Variants in ATP10A observed in about 807,000 individuals in gnomAD.
The protein encoded by ATP10A is ATPase phospholipid transporting 10A (putative), also known as phospholipid-transporting ATPase VA.
ATP10A carries 111 observed loss-of-function variants against 147.8 expected under a neutral mutation model. The ratio of observed to expected loss-of-function variants is 0.75; its 90% confidence interval spans 0.64 to 0.88. ATP10A has a LOEUF of 0.88. ATP10A is among the 40% of genes least tolerant of loss of function. The pLI, the probability that ATP10A is intolerant of heterozygous loss-of-function variation, is 0.00. For synonymous variants in ATP10A, 875 were observed against 841.6 expected (o/e 1.04, Z -0.69); for missense variants, 1,927 against 1,959.0 (o/e 0.98, Z 0.31).
chr15:25,777,137 A>G (rs1206704937), intron 2 of ATP10A, among the ~76,000 whole-genome samples: 1 of 139,174 alleles, frequency 7.2e-6, no homozygotes, highest in African/African-American at 2.6e-5. Flanking sequence ...CGCACTGCCC[A>G]CTCCCTCCAG....
intron 12 of ATP10A, among the ~76,000 whole-genome samples, chr15:25,706,412 T>C (rs1011304174): frequency 6.6e-6 from 1 of 152,132 alleles, no homozygotes; most frequent in African/African-American, 2.4e-5. Context: ...ATCCCTTCCT[T>C]TCACCCTCAC....
At chr15:25,726,831 C>T (rs1902588779) in intron 4 of ATP10A, among the ~76,000 whole-genome samples, 2 of 150,458 alleles carry the variant, frequency 1.3e-5, no homozygotes, top group South Asian at 4.2e-4. Context: ...GCGGGCGGAT[C>T]ACGAGATCAG....
intron 2 of ATP10A, among the ~76,000 whole-genome samples, chr15:25,753,747 T>C (rs1337390057): frequency 1.3e-5 from 2 of 148,684 alleles, no homozygotes; most frequent in Non-Finnish European, 3.0e-5. Context: ...ATATATGTTA[T>C]ATATATCATA....
At chr15:25,802,893 T>G (rs557092233) in intron 1 of ATP10A, among the ~76,000 whole-genome samples, 3 of 152,286 alleles carry the variant, frequency 2.0e-5, no homozygotes, top group African/African-American at 7.2e-5. Context: ...GATTCGGATG[T>G]ACACATCTGT....
chr15:25,781,121 G>A lies in ATP10A; in HGVS notation c.552C>T (p.Leu184=). ...NEIFPADILL[L]SSSDPDGLCH... is the part of the protein sequence containing the mutation. ...ATAGCCCGTCGGGGTCACTGGAGGAGAGCAGCAGAATGTCCGCAGGGAAGA... is the reference window on the plus strand; with the variant it reads ...ATAGCCCGTCGGGGTCACTGGAGGAAAGCAGCAGAATGTCCGCAGGGAAGA... Residue 184 remains leucine (L), a synonymous_variant, in exon 2 of 21, where the codon CTC becomes CTT. Transcript: ENST00000555815. 6.2e-7 allele frequency: 1 copy of A among 1,614,222 alleles called. No homozygotes were observed. The highest frequency in any genetic ancestry group is 8.5e-7 in the Non-Finnish European group (1 of 1,180,048).
At chr15:25,827,564 T>C (rs1220865451) in intron 1 of ATP10A, among the ~76,000 whole-genome samples, 2 of 152,190 alleles carry the variant, frequency 1.3e-5, no homozygotes, top group Non-Finnish European at 2.9e-5. Flanking sequence ...GTAATTAAGG[T>C]GGTATTAATC....
chr15:25,676,202 C>G (rs1246385469), downstream of ATP10A, among the ~76,000 whole-genome samples: 1 of 152,164 alleles, frequency 6.6e-6, no homozygotes, highest in Admixed American at 6.5e-5. Context: ...GAGGGCAAAG[C>G]TGAGTCCCGG....
intron 1 of ATP10A, chr15:25,841,634 T>C (rs547218862): frequency 1.3e-5 from 2 of 151,900 alleles, no homozygotes; most frequent in Non-Finnish European, 2.9e-5. Flanking sequence ...GTTAAATCTA[T>C]AGATAATTAT....
chr15:25,708,156 G>A (rs1034746034), intron 11 of ATP10A, 41 bp downstream of exon 11: 1 of 1,613,296 alleles, frequency 6.2e-7, no homozygotes, highest in Non-Finnish European at 8.5e-7. Flanking sequence ...CTGTGGGGCG[G>A]CCACCTGCAC....
downstream of ATP10A, chr15:25,677,274 G>T (rs1411516522): frequency 2.0e-5 from 3 of 152,098 alleles, no homozygotes; most frequent in African/African-American, 4.8e-5. Context: ...ACCAAACTTA[G>T]TTGCTTGCCA....
rs540398750 is a variant in ATP10A, at chr15:25,681,369, A to G, written c.3493-295T>C. 1.4e-4 allele frequency among the ~76,000 whole-genome samples: 21 copies of G among 152,348 alleles called. 2 individuals are homozygous for G. In the South Asian group the frequency reaches 4.1e-3, roughly 30 times the overall value. The stretch of plus-strand genomic sequence containing the variant: ...GTCGTTTATCCTTGTAGTCAAGGAA[A>G]GAGCATCTCAAAACGATCATGAAAT... On this transcript the variant is annotated intron_variant, in intron 17 of 20. Coordinates refer to ENST00000555815, the MANE Select transcript of ATP10A (RefSeq NM_024490.4).
intron 6 of ATP10A, 146 bp from the exon 7 acceptor site, chr15:25,722,055 T>G: frequency 1.0e-5 from 9 of 860,192 alleles, no homozygotes; most frequent in South Asian, 1.8e-5. Flanking sequence ...ATAGGTTGGT[T>G]TAGAGTCAGT....
chr15:25,674,101 C>A (rs540159197), downstream of ATP10A, among the ~76,000 whole-genome samples: 1 of 152,302 alleles, frequency 6.6e-6, no homozygotes, highest in East Asian at 1.9e-4. Flanking sequence ...CAGCCTGGGA[C>A]GCTCTCCATC....
intron 1 of ATP10A, among the ~76,000 whole-genome samples, chr15:25,828,212 A>G (rs1370632561): frequency 6.6e-6 from 1 of 152,258 alleles, no homozygotes. Context: ...CAGAGAATCC[A>G]GTGCCCCACT....
intron 2 of ATP10A, among the ~76,000 whole-genome samples, chr15:25,775,252 G>A (rs190974227): frequency 2.5e-3 from 376 of 152,312 alleles, no homozygotes; most frequent in Middle Eastern, 6.8e-3. Context: ...GGAAGCATGT[G>A]TAGGTAGCAG....
chr15:25,765,267 C>T (rs1326050806), intron 2 of ATP10A, among the ~76,000 whole-genome samples: 2 of 152,148 alleles, frequency 1.3e-5, no homozygotes, highest in African/African-American at 4.8e-5. Flanking sequence ...ATATTCTCCA[C>T]TCCTCTATAG....
chr15:25,738,000 G>A (rs759828145), intron 2 of ATP10A, among the ~76,000 whole-genome samples: 57 of 152,276 alleles, frequency 3.7e-4, no homozygotes, highest in Admixed American at 3.3e-4. Context: ...CCCAGTCTGC[G>A]GTGTTTCATC....
chr15:25,806,469 C>T (rs1008336535), intron 1 of ATP10A, among the ~76,000 whole-genome samples: 7 of 152,178 alleles, frequency 4.6e-5, no homozygotes, highest in East Asian at 1.9e-4. Flanking sequence ...CCTGCCACCA[C>T]GCCCAGCTAA....
At chr15:25,692,413 T>C (rs1430515769) in intron 14 of ATP10A, among the ~76,000 whole-genome samples, 4 of 152,150 alleles carry the variant, frequency 2.6e-5, no homozygotes, top group Non-Finnish European at 5.9e-5. Context: ...AGCAGAGTCA[T>C]AAAGTTGTTA....
Sources: allele counts gnomAD v4.1 joint callset (sites outside exome capture counted in the v4.1 genomes callset), GRCh38; gene constraint gnomAD v4.1.1; transcripts MANE v1.5; gene names NCBI Gene and HGNC (gene_info 2026-07-23, HGNC 2026-07-21).